Variants in EGFLAM observed in about 807,000 individuals in gnomAD.
EGFLAM encodes pikachurin.
In EGFLAM, 79 loss-of-function variants were observed where a neutral mutation model predicts 113.1. That is an observed-to-expected ratio of 0.70 (90% CI 0.58 to 0.84). The LOEUF is 0.84. Among genes scored for constraint, EGFLAM ranks in the 40% least tolerant of loss-of-function variants. The probability of loss-of-function intolerance (pLI) is 0.00; values close to 1 mark genes in which losing one functional copy is unlikely to be tolerated. For missense variants in EGFLAM, 1,265 were observed against 1,291.6 expected, an observed-to-expected ratio of 0.98 and a Z score of 0.32; for synonymous variants, 504 against 487.6, an observed-to-expected ratio of 1.03 and a Z score of -0.44.
rs779060223 is a variant in EGFLAM, at chr5:38,406,941, A to G, written c.942A>G (p.Ala314=). 6.2e-6 allele frequency: 10 copies of G among 1,614,058 alleles called. No individual in the cohort carries two copies. The African/African-American group carries it at 9.3e-5, about 15-fold the overall frequency. Residue 314 remains alanine, a synonymous_variant, in exon 8 of 22, where the codon GCA becomes GCG. Coordinates refer to ENST00000322350, the MANE Select transcript of EGFLAM (RefSeq NM_152403.4). ...TISRLIPPTS[A]SLPVTTVAPQ... ...CTAGGCTCATCCCCCCTACCTCAGC[A>G]TCTCTCCCTGTGACCACGGTGGCTC...
At chr5:38,415,159 C>G (rs530755283) in intron 11 of EGFLAM, among the ~76,000 whole-genome samples, 1 of 150,764 alleles carries the variant, frequency 6.6e-6, no homozygotes, top group African/African-American at 2.4e-5. Context: ...GTCAGGAGTT[C>G]GAGACCAGCC....
chr5:38,443,814 A>G (rs1742624282), intron 17 of EGFLAM, among the ~76,000 whole-genome samples: 1 of 139,866 alleles, frequency 7.1e-6, no homozygotes, highest in African/African-American at 2.8e-5. Context: ...CTGTCACCCC[A>G]GGCTGGAGTG....
chr5:38,417,862 G>A (rs1358530572), intron 11 of EGFLAM, among the ~76,000 whole-genome samples: 1 of 152,034 alleles, frequency 6.6e-6, no homozygotes, highest in Non-Finnish European at 1.5e-5. Flanking sequence ...TGGAAGCACA[G>A]CCCTCTGAGA....
At chr5:38,410,114 G>A (rs145805374) in intron 10 of EGFLAM, among the ~76,000 whole-genome samples, 1 of 152,286 alleles carries the variant, frequency 6.6e-6, no homozygotes, top group Admixed American at 6.5e-5. Context: ...TTAGAGCAGC[G>A]TCTGACCCAG....
intron 11 of EGFLAM, among the ~76,000 whole-genome samples, chr5:38,414,495 G>A (rs929482547): frequency 6.6e-6 from 1 of 152,126 alleles, no homozygotes; most frequent in Non-Finnish European, 1.5e-5. Context: ...CTGTGTTAAC[G>A]GAGTCATAGC....
chr5:38,356,587 T>G (rs1554049714), intron 5 of EGFLAM, among the ~76,000 whole-genome samples: 1 of 152,202 alleles, frequency 6.6e-6, no homozygotes, highest in Non-Finnish European at 1.5e-5. Flanking sequence ...CCCATGTCCT[T>G]TCATGTTTGT....
At chr5:38,457,945 G>A (rs957612189) in intron 19 of EGFLAM, among the ~76,000 whole-genome samples, 2 of 152,058 alleles carry the variant, frequency 1.3e-5, no homozygotes, top group Admixed American at 6.5e-5. Context: ...GTCAGGGGCT[G>A]GGGGGAGGGA....
At chr5:38,315,751 G>C (rs1215844038) in intron 1 of EGFLAM, among the ~76,000 whole-genome samples, 1 of 152,118 alleles carries the variant, frequency 6.6e-6, no homozygotes, top group Non-Finnish European at 1.5e-5. Flanking sequence ...TGGGCTTCTT[G>C]TGAAGTTTAA....
intron 1 of EGFLAM, among the ~76,000 whole-genome samples, chr5:38,269,570 A>C (rs1429813764): frequency 1.3e-5 from 2 of 151,280 alleles, no homozygotes; most frequent in South Asian, 2.1e-4. Flanking sequence ...GCTCACTGCA[A>C]GCTCCGCCTC....
chr5:38,283,745 A>G lies in EGFLAM; in HGVS notation c.97+24894A>G, dbSNP rs73073439. On this transcript the variant is annotated intron_variant, in intron 1 of 21. Transcript: ENST00000322350. ...ACTCCATGGGATAGGCAGAAGAAAC[A>G]CGTATGTAGTGGAGTTTCTGTTTTC... 3.3e-3 allele frequency among the ~76,000 whole-genome samples: 501 copies of G among 152,238 alleles called. 6 individuals carry two copies. The highest frequency in any genetic ancestry group is 0.012 in the African/African-American group (487 of 41,532).
chr5:38,410,712 T>C (rs571085760), intron 10 of EGFLAM, among the ~76,000 whole-genome samples: 6 of 152,208 alleles, frequency 3.9e-5, no homozygotes, highest in African/African-American at 1.2e-4. Flanking sequence ...ACAAGAATAA[T>C]GCAGCCATCT....
intron 1 of EGFLAM, among the ~76,000 whole-genome samples, chr5:38,336,320 T>A (rs1336998568): frequency 1.3e-5 from 2 of 152,138 alleles, no homozygotes; most frequent in Non-Finnish European, 2.9e-5. Context: ...ACGCCTGTAA[T>A]CCCAGCACTT....
chr5:38,339,028 A>G (rs1459382139), intron 3 of EGFLAM, among the ~76,000 whole-genome samples: 5 of 152,040 alleles, frequency 3.3e-5, no homozygotes, highest in Non-Finnish European at 7.4e-5. Flanking sequence ...ACCCCATTTT[A>G]TCATGCAAGA....
intron 1 of EGFLAM, among the ~76,000 whole-genome samples, chr5:38,331,315 A>C (rs1317559931): frequency 6.6e-6 from 1 of 152,184 alleles, no homozygotes; most frequent in Admixed American, 6.5e-5. Flanking sequence ...CTATGGGTTT[A>C]AACAAATGTA....
intron 1 of EGFLAM, among the ~76,000 whole-genome samples, chr5:38,337,289 A>G (rs1579789618): frequency 1.3e-5 from 2 of 152,328 alleles, no homozygotes; most frequent in African/African-American, 4.8e-5. Context: ...ACCCGAGAGA[A>G]TAAGGGCAAT....
At chr5:38,275,781 A>G (rs1757869949) in intron 1 of EGFLAM, among the ~76,000 whole-genome samples, 1 of 152,234 alleles carries the variant, frequency 6.6e-6, no homozygotes, top group Non-Finnish European at 1.5e-5. Flanking sequence ...TCTTAACTGC[A>G]CATGGAACAT....
chr5:38,353,442 G>C (rs1739681882), intron 5 of EGFLAM, among the ~76,000 whole-genome samples: 1 of 152,142 alleles, frequency 6.6e-6, no homozygotes, highest in South Asian at 2.1e-4. Flanking sequence ...GACTGGTTCG[G>C]GACCTCATTC....
At chr5:38,448,251 G>A in intron 17 of EGFLAM, 50 bp from the exon 18 acceptor site, 2 of 1,594,112 alleles carry the variant, frequency 1.3e-6, no homozygotes, top group South Asian at 2.2e-5. Context: ...TGAGTGCAGG[G>A]GTCAAGAGAA....
chr5:38,276,265 C>T (rs1757881641), intron 1 of EGFLAM, among the ~76,000 whole-genome samples: 1 of 152,184 alleles, frequency 6.6e-6, no homozygotes, highest in African/African-American at 2.4e-5. Context: ...ATTCAATTAT[C>T]TCCCACTGGG....
Sources: gnomAD v4.1 joint callset for allele counts (sites outside exome capture counted in the v4.1 genomes callset) on GRCh38, gnomAD v4.1.1 for gene constraint, MANE v1.5 for transcripts, NCBI Gene and HGNC (gene_info 2026-07-23, HGNC 2026-07-21) for gene names.